TNS1: variants seen among roughly 807,000 people sequenced by gnomAD.
TNS1 encodes the protein tensin-1.
TNS1 carries 62 observed loss-of-function variants against 168.6 expected under a neutral mutation model. The observed-to-expected ratio is 0.37, with a 90% CI of 0.30 to 0.45. The LOEUF is 0.45. Ranked by LOEUF, TNS1 falls within the 20% of genes least tolerant of loss-of-function variation. TNS1 has a pLI of 1.00. For missense variants in TNS1, 2,240 were observed against 2,339.4 expected, an observed-to-expected ratio of 0.96 and a Z score of 0.88; for synonymous variants, 934 against 933.2, an observed-to-expected ratio of 1.00 and a Z score of -0.02.
At chr2:217,965,936 C>T (rs190292082) in intron 3 of TNS1, among the ~76,000 whole-genome samples, 47 of 152,212 alleles carry the variant, frequency 3.1e-4, no homozygotes, top group Middle Eastern at 3.4e-3. Flanking sequence ...CTCAGTGGGA[C>T]TCCACTGGTC....
At chr2:217,979,747 C>A (rs1957993816) in intron 2 of TNS1, among the ~76,000 whole-genome samples, 1 of 152,100 alleles carries the variant, frequency 6.6e-6, no homozygotes, top group Non-Finnish European at 1.5e-5. Flanking sequence ...TGCTTTGGGT[C>A]TTGTTGGCTG....
rs932095255 is a variant in TNS1 at position 217,932,478 on chromosome 2, T to G, written c.187-12242A>C. Among the ~76,000 whole-genome samples, 3 of 152,318 alleles carry G rather than the reference T, an allele frequency of 2.0e-5. 1 individual carries two copies. Among genetic ancestry groups the G allele is most frequent in the Admixed American group, 1.3e-4 (2 of 15,292 alleles). On this transcript the variant is annotated intron_variant, in intron 3 of 32. Transcript: ENST00000682258. ...ATATGCTTAGGAGATGTTACTTCCC[T>G]CTATGTTAACCTGGAGGTGATTAAT...
intron 4 of TNS1, among the ~76,000 whole-genome samples, chr2:217,917,180 A>G (rs906904621): frequency 4.6e-5 from 7 of 151,460 alleles, no homozygotes; most frequent in African/African-American, 1.7e-4. Flanking sequence ...ATGGCCCCCC[A>G]CCTTTAGGAC....
At chr2:217,816,416 T>C (rs574657239) in intron 24 of TNS1, among the ~76,000 whole-genome samples, 1 of 152,140 alleles carries the variant, frequency 6.6e-6, no homozygotes, top group Non-Finnish European at 1.5e-5. Context: ...TTTCAACCTA[T>C]GATTTACACT....
At chr2:217,844,611 T>C (rs1364165225) in intron 19 of TNS1, among the ~76,000 whole-genome samples, 1 of 152,194 alleles carries the variant, frequency 6.6e-6, no homozygotes, top group Non-Finnish European at 1.5e-5. Context: ...CAAGGCTCAG[T>C]TTAAAACCAC....
rs1254429015 is a variant in TNS1 at position 217,836,171 on chromosome 2, G to A, written c.3048C>T (p.Ala1016=). The change falls in exon 20 of 33, where the codon GCC becomes GCT. Residue 1016 remains alanine (A), a synonymous_variant. Transcript: ENST00000682258. ...AREKQPAEPP[A]PLRRRAASDG... is the part of the protein sequence containing the mutation. ...CACTGGCCGCCCGCCTCCGCAGAGG[G>A]GCTGGGGGCTCTGCAGGCTGCTTCT... 6.2e-7 allele frequency: 1 copy of A among 1,613,398 alleles called. No individual in the cohort carries two copies. Among genetic ancestry groups the A allele is most frequent in the Non-Finnish European group, 8.5e-7 (1 of 1,179,688 alleles).
At chr2:217,978,141 C>G (rs922900957) in intron 3 of TNS1, among the ~76,000 whole-genome samples, 2 of 152,214 alleles carry the variant, frequency 1.3e-5, no homozygotes, top group Non-Finnish European at 2.9e-5. Flanking sequence ...TCCCTCCAGT[C>G]TTCTTGCCTC....
chr2:217,885,289 C>T, intron 15 of TNS1, 125 bp from the exon 16 acceptor site: 2 of 1,307,528 alleles, frequency 1.5e-6, no homozygotes, highest in East Asian at 2.5e-5. Flanking sequence ...TGAGGGAGAG[C>T]TCATCAACAC....
chr2:217,841,471 T>G (rs1229021573), intron 19 of TNS1, among the ~76,000 whole-genome samples: 1 of 151,882 alleles, frequency 6.6e-6, no homozygotes, highest in Non-Finnish European at 1.5e-5. Context: ...AAATCAAGAT[T>G]AGTTGGTGTT....
intron 2 of TNS1, among the ~76,000 whole-genome samples, chr2:217,984,411 A>G (rs1958137003): frequency 6.6e-6 from 1 of 151,928 alleles, no homozygotes; most frequent in East Asian, 1.9e-4. Context: ...TTCTTAAAAT[A>G]TTATGAGTTT....
In TNS1 at chr2:217,818,504, G is replaced by T; in HGVS notation, c.3828C>A (p.His1276Gln). 6.2e-7 allele frequency: 1 copy of T among 1,614,250 alleles called. No homozygotes were observed. Among genetic ancestry groups the T allele is most frequent in the Non-Finnish European group, 8.5e-7 (1 of 1,180,052 alleles). ...GCGCCTGAGGGCTCCCAGGCACCGT[G>T]TGGACGCCAGCCACACTGAACTGAG... is the stretch of plus-strand genomic sequence containing the variant. ...ARAQFSVAGV[H>Q]TVPGSPQARH... is the part of the protein sequence containing the mutation. Residue 1276 changes from histidine to glutamine, a missense_variant, in exon 24 of 33, where the codon CAC becomes CAA. Coordinates refer to ENST00000682258, the MANE Select transcript of TNS1 (RefSeq NM_001387777.1).
chr2:217,851,949 G>C (rs1947557042), intron 18 of TNS1, among the ~76,000 whole-genome samples: 1 of 152,108 alleles, frequency 6.6e-6, no homozygotes, highest in Non-Finnish European at 1.5e-5. Flanking sequence ...TTGAAGACCA[G>C]CCTGGCCAAA....
chr2:217,866,425 C>A (rs1289965652), intron 18 of TNS1, among the ~76,000 whole-genome samples: 1 of 152,120 alleles, frequency 6.6e-6, no homozygotes, highest in African/African-American at 2.4e-5. Flanking sequence ...CTTGGACCTG[C>A]CCGGGTGGCT....
Position 217,821,863 on chromosome 2 carries a change from C to A in TNS1, c.3449G>T (p.Ser1150Ile). Residue 1150 changes from serine to isoleucine, a missense_variant, in exon 23 of 33, where the codon AGC becomes ATC. Transcript: ENST00000682258. ...GPRAQDSEPK[S>I]FSAPATQAYG... ...GGCCTGGGTGGCTGGAGCACTAAAG[C>A]TCTTGGGCTCAGAGTCCTGAGCTCG... The A allele has an allele frequency of 6.3e-7, 1 of 1,588,626 alleles. No individual in the cohort carries two copies. Among genetic ancestry groups the A allele is most frequent in the South Asian group, 1.2e-5 (1 of 86,632 alleles).
At chr2:217,879,936 A>C (rs1950537375) in intron 18 of TNS1, among the ~76,000 whole-genome samples, 1 of 152,164 alleles carries the variant, frequency 6.6e-6, no homozygotes, top group Admixed American at 6.5e-5. Flanking sequence ...CATCCTTGAA[A>C]GGGCCATCCT....
chr2:217,888,237 G>C (rs1429352908), intron 12 of TNS1, among the ~76,000 whole-genome samples: 1 of 152,142 alleles, frequency 6.6e-6, no homozygotes, highest in Non-Finnish European at 1.5e-5. Flanking sequence ...GTCCGGAGGC[G>C]GGTGACAATG....
intron 3 of TNS1, among the ~76,000 whole-genome samples, chr2:217,974,154 G>C (rs1290471351): frequency 6.6e-6 from 1 of 152,180 alleles, no homozygotes. Flanking sequence ...GGAACATAAG[G>C]GTTGCTTTTT....
At chr2:217,988,933 A>G (rs1013638308) in intron 2 of TNS1, among the ~76,000 whole-genome samples, 5 of 151,834 alleles carry the variant, frequency 3.3e-5, no homozygotes, top group African/African-American at 1.2e-4. Flanking sequence ...GGTATGCAGT[A>G]AGCGCTTTAG....
At chr2:217,939,623 C>T (rs1205838881) in intron 3 of TNS1, among the ~76,000 whole-genome samples, 2 of 152,196 alleles carry the variant, frequency 1.3e-5, no homozygotes, top group African/African-American at 2.4e-5. Flanking sequence ...GGCCAGAATT[C>T]CCCCCAGCCA....
Sources: allele counts gnomAD v4.1 joint callset (sites outside exome capture counted in the v4.1 genomes callset), GRCh38; gene constraint gnomAD v4.1.1; transcripts MANE v1.5; gene names NCBI Gene and HGNC (gene_info 2026-07-23, HGNC 2026-07-21).